SVOPL: variants seen among roughly 807,000 people sequenced by gnomAD.
SVOPL encodes SVOP like, also known as putative transporter SVOPL.
In SVOPL, 60 loss-of-function variants were observed where a neutral mutation model predicts 61.0. The ratio of observed to expected loss-of-function variants is 0.98; its 90% CI spans 0.80 to 1.22. SVOPL has a LOEUF of 1.22. SVOPL is among the 50% of genes most tolerant of loss of function. The pLI is 0.00. For synonymous variants in SVOPL, 279 were observed against 250.0 expected (o/e 1.12, Z -1.09); for missense variants, 662 against 643.9 (o/e 1.03, Z -0.30).
intron 9 of SVOPL, among the ~76,000 whole-genome samples, chr7:138,634,828 G>A (rs1584810180): frequency 1.3e-5 from 2 of 151,956 alleles, no homozygotes; most frequent in East Asian, 3.9e-4. Flanking sequence ...AGCCAGGCAT[G>A]GTGGCATACA....
intron 9 of SVOPL, among the ~76,000 whole-genome samples, chr7:138,641,751 T>C (rs996160547): frequency 8.2e-5 from 12 of 145,952 alleles, no homozygotes; most frequent in Non-Finnish European, 1.6e-4. Context: ...GAGAAAGTCA[T>C]TGTCTTTTTG....
chr7:138,602,359 A>G (rs1798560469), intron 14 of SVOPL, among the ~76,000 whole-genome samples: 1 of 151,974 alleles, frequency 6.6e-6, no homozygotes, highest in African/African-American at 2.4e-5. Flanking sequence ...CATACATGCC[A>G]CAGAAATCTA....
chr7:138,617,845 G>A (rs1302833744), intron 14 of SVOPL, among the ~76,000 whole-genome samples: 4 of 152,098 alleles, frequency 2.6e-5, no homozygotes, highest in Non-Finnish European at 4.4e-5. Context: ...TTAAGGTGGA[G>A]GTGGGGAGGA....
At chr7:138,693,440 C>A (rs1802986976) in intron 1 of SVOPL, among the ~76,000 whole-genome samples, 1 of 147,136 alleles carries the variant, frequency 6.8e-6, no homozygotes, top group Non-Finnish European at 1.5e-5. Flanking sequence ...GAGTTCCAAT[C>A]CAGCCTGGAT....
At chr7:138,643,362 T>C (rs1308988867) in intron 9 of SVOPL, among the ~76,000 whole-genome samples, 1 of 147,394 alleles carries the variant, frequency 6.8e-6, no homozygotes, top group Admixed American at 6.8e-5. Flanking sequence ...GAGTCGGAAG[T>C]TGCAGTGAGC....
rs77770060 is a variant in SVOPL at position 138,598,326 on chromosome 7, A to G, written c.1354-1796T>C. 1.1e-3 allele frequency among the ~76,000 whole-genome samples: 173 copies of G among 152,350 alleles called. 2 individuals carry two copies. The East Asian group carries it at 0.029, about 25-fold the overall frequency. ...TTATACATCAAATAAAAGAGCTTCAAAATACATTTAGCAAAACTGTTAGAA... is the reference window on the plus strand; with the variant it reads ...TTATACATCAAATAAAAGAGCTTCAGAATACATTTAGCAAAACTGTTAGAA... On this transcript the variant is annotated intron_variant, in intron 14 of 15. Coordinates refer to ENST00000674285, the MANE Select transcript of SVOPL (RefSeq NM_001139456.2).
At chr7:138,675,166 C>T (rs187551066) in intron 3 of SVOPL, among the ~76,000 whole-genome samples, 114 of 150,888 alleles carry the variant, frequency 7.6e-4, no homozygotes, top group Non-Finnish European at 1.2e-3. Context: ...TTTGGGAGGC[C>T]GAGGTGGGAG....
intron 13 of SVOPL, among the ~76,000 whole-genome samples, chr7:138,622,490 G>GGC (rs755078140): frequency 4.7e-3 from 344 of 73,132 alleles, no homozygotes; most frequent in Middle Eastern, 0.014. Flanking sequence ...AGGCAGCGGC[G>GGC]GGCGGGGGGT....
At chr7:138,690,857 C>G (rs954542675) in intron 1 of SVOPL, among the ~76,000 whole-genome samples, 1 of 152,148 alleles carries the variant, frequency 6.6e-6, no homozygotes, top group Admixed American at 6.6e-5. Context: ...ACTTCAGCCT[C>G]TGCCTCCCAA....
chr7:138,623,853 C>G (rs1462697988), intron 13 of SVOPL, among the ~76,000 whole-genome samples: 8 of 151,946 alleles, frequency 5.3e-5, no homozygotes, highest in African/African-American at 1.9e-4. Context: ...GACGGAGTCT[C>G]TCTGTCACCG....
At chr7:138,597,641 CGTGTGTGT>C (rs60875635) in intron 14 of SVOPL, among the ~76,000 whole-genome samples, 2 of 147,518 alleles carry the variant, frequency 1.4e-5, no homozygotes, top group African/African-American at 2.5e-5. Context: ...ATAACGTCTG[CGTGTGTGT>C]GTGTGTGTGT....
In SVOPL at chr7:138,598,908, A is replaced by C. The variant is rs570824740; in HGVS notation, c.1354-2378T>G. Among the ~76,000 whole-genome samples, 5 of 152,236 alleles carry C rather than the reference A, an allele frequency of 3.3e-5. No individual in the cohort carries two copies. In the East Asian group the frequency reaches 9.6e-4, roughly 29 times the overall value. On this transcript the variant is annotated intron_variant, in intron 14 of 15. Coordinates refer to ENST00000674285, the MANE Select transcript of SVOPL (RefSeq NM_001139456.2). ...GTAAAAATATAATCTTCACCAAAAC[A>C]ATCTGTAATTCTAATAGAAATTAAA...
At chr7:138,599,763 C>T (rs1015363391) in intron 14 of SVOPL, among the ~76,000 whole-genome samples, 1 of 151,926 alleles carries the variant, frequency 6.6e-6, no homozygotes, top group Non-Finnish European at 1.5e-5. Flanking sequence ...TGGTGTGCAC[C>T]TGTGGTCCCA....
In SVOPL at chr7:138,621,121, CGTG is replaced by C; in HGVS notation, c.1275_1277del (p.Thr426del). The C allele has an allele frequency of 6.2e-7, 1 of 1,613,648 alleles. No individual in the cohort carries two copies. The highest frequency in any genetic ancestry group is 8.5e-7 in the Non-Finnish European group (1 of 1,179,824). On this transcript the variant is annotated inframe_deletion, in exon 14 of 16. Transcript: ENST00000674285. ...TGGTTCCCATCCCCAAAGCGCGCAT[CGTG>C]GTGGGGTAGACCTGCAGGGAGAGGC...
At chr7:138,676,639 T>C (rs1272054358) in intron 3 of SVOPL, among the ~76,000 whole-genome samples, 1 of 152,218 alleles carries the variant, frequency 6.6e-6, no homozygotes, top group Non-Finnish European at 1.5e-5. Flanking sequence ...TCAGTGCCTC[T>C]TAAAGGATCT....
At chr7:138,627,686 TTATTA>T (rs1193416470) in intron 11 of SVOPL, among the ~76,000 whole-genome samples, 2 of 152,144 alleles carry the variant, frequency 1.3e-5, no homozygotes, top group African/African-American at 4.8e-5. Context: ...CCCAGAATAC[TTATTA>T]TATCATACAG....
rs139548860 is a variant in SVOPL at position 138,603,651 on chromosome 7, G to A, written c.1354-7121C>T. On this transcript the variant is annotated intron_variant, in intron 14 of 15. Coordinates refer to ENST00000674285, the MANE Select transcript of SVOPL (RefSeq NM_001139456.2). ...TGCACCACTGCACTTCAGCCTGGGC[G>A]ACAGAGTGAGACTCTGTCTAAAAAA... is the stretch of plus-strand genomic sequence containing the variant. Among the ~76,000 whole-genome samples, 274 of 152,280 alleles carry A rather than the reference G, an allele frequency of 1.8e-3. 1 individual carries two copies. The highest frequency in any genetic ancestry group is 6.2e-3 in the African/African-American group (259 of 41,554).
Position 138,632,621 on chromosome 7 carries a change from C to A in SVOPL, c.790-2499G>T, listed in dbSNP as rs190462175. On this transcript the variant is annotated intron_variant, in intron 9 of 15. Transcript: ENST00000674285. ...GAGAGGTGAGGTAGGAGAGGAAAAG[C>A]AGAGGAAGTAGGATGTGGAGGGAGG... Among the ~76,000 whole-genome samples, 11 of 150,118 alleles carry A rather than the reference C, an allele frequency of 7.3e-5. No homozygotes were observed. In the East Asian group the frequency reaches 2.2e-3, roughly 30 times the overall value.
rs576385325 is a variant in SVOPL, at chr7:138,644,825, C to T, written c.681G>A (p.Arg227=). ...GAGTGTTCCCAGTGGAGACATTGAA[C>T]CGGGCAGATTCAGGAATAAACTGGG... ...VAFKFIPESA[R]FNVSTGNTRA... Residue 227 remains arginine, a synonymous_variant, in exon 9 of 16, where the codon CGG becomes CGA. Coordinates refer to ENST00000674285, the MANE Select transcript of SVOPL (RefSeq NM_001139456.2). 3.1e-6 allele frequency: 5 copies of T among 1,614,176 alleles called. No individual in the cohort carries two copies. The African/African-American group carries it at 6.7e-5, about 22-fold the overall frequency.
Sources: allele counts gnomAD v4.1 joint callset (sites outside exome capture counted in the v4.1 genomes callset), GRCh38; gene constraint gnomAD v4.1.1; transcripts MANE v1.5; gene names NCBI Gene and HGNC (gene_info 2026-07-23, HGNC 2026-07-21).